The following LRP11 variants were observed in gnomAD, a reference collection of about 807,000 sequenced individuals.
The protein encoded by LRP11 is LDL receptor related protein 11, also known as low-density lipoprotein receptor-related protein 11.
In LRP11, 25 loss-of-function variants were observed where a neutral mutation model predicts 43.1. The ratio of observed to expected loss-of-function variants is 0.58; its 90% CI spans 0.42 to 0.81. The LOEUF (loss-of-function observed/expected upper bound fraction) is 0.81, where lower values mean the gene tolerates loss of function less well. Among genes scored for constraint, LRP11 ranks in the 30% least tolerant of loss-of-function variants. LRP11 has a pLI of 0.00. For synonymous variants in LRP11, 316 were observed against 299.4 expected (o/e 1.06, Z -0.57); for missense variants, 623 against 665.1 (o/e 0.94, Z 0.70).
intron 3 of LRP11, 51 bp downstream of exon 3, chr6:149,842,932 G>A (rs377687383): frequency 1.6e-5 from 25 of 1,608,018 alleles, no homozygotes; most frequent in African/African-American, 2.7e-5. Flanking sequence ...GCGCCAACCC[G>A]ACATTGCCTT....
intron 3 of LRP11, among the ~76,000 whole-genome samples, chr6:149,840,111 T>C (rs2115388108): frequency 6.6e-6 from 1 of 152,292 alleles, no homozygotes; most frequent in East Asian, 1.9e-4. Flanking sequence ...GTTATGATCA[T>C]ATAAGCAGGG....
At chr6:149,835,436 T>TA (rs1225013946) in intron 5 of LRP11, among the ~76,000 whole-genome samples, 3 of 152,150 alleles carry the variant, frequency 2.0e-5, no homozygotes, top group Admixed American at 1.3e-4. Context: ...CTTGTCTCTA[T>TA]AAAAAATACA....
chr6:149,848,517 G>C (rs1776672774), intron 2 of LRP11, among the ~76,000 whole-genome samples: 1 of 152,054 alleles, frequency 6.6e-6, no homozygotes, highest in African/African-American at 2.4e-5. Context: ...AAGAATATGT[G>C]GTACATATAC....
At chr6:149,838,044 A>G (rs752169047) in intron 3 of LRP11, among the ~76,000 whole-genome samples, 4 of 152,030 alleles carry the variant, frequency 2.6e-5, no homozygotes, top group Non-Finnish European at 5.9e-5. Flanking sequence ...CAGCCTCTGG[A>G]GTAGCTGGGA....
intron 6 of LRP11, among the ~76,000 whole-genome samples, chr6:149,824,299 A>G (rs1443765520): frequency 2.6e-5 from 4 of 152,170 alleles, no homozygotes; most frequent in African/African-American, 7.2e-5. Flanking sequence ...AAAATGTTCT[A>G]TTTGCTAAGT....
chr6:149,823,335 G>A (rs1314923565), intron 6 of LRP11, among the ~76,000 whole-genome samples: 2 of 152,154 alleles, frequency 1.3e-5, no homozygotes, highest in Non-Finnish European at 2.9e-5. Context: ...TCACAGTCAG[G>A]AGAATGAGCC....
At chr6:149,858,346 C>T (rs1445740563) in intron 1 of LRP11, among the ~76,000 whole-genome samples, 4 of 152,198 alleles carry the variant, frequency 2.6e-5, no homozygotes, top group Non-Finnish European at 5.9e-5. Context: ...TTTCCAGCTT[C>T]ACCCATGTCC....
In LRP11 at chr6:149,863,900, G is replaced by A; in HGVS notation, c.121C>T (p.Pro41Ser). Residue 41 changes from proline to serine, a missense_variant, in exon 1 of 7, where the codon CCC becomes TCC. By Grantham distance (74) the Pro-to-Ser change is moderately conservative. Transcript: ENST00000239367. Reference protein sequence around the residue: ...WLPSGRAALPPAAPLSELHAQ... With the variant: ...WLPSGRAALPSAAPLSELHAQ... Reference sequence around the variant, plus strand: ...TGCAGTTCGGACAGCGGCGCCGCGGGCGGCAAGGCCGCACGGCCGCTTGGC... The same window carrying A: ...TGCAGTTCGGACAGCGGCGCCGCGGACGGCAAGGCCGCACGGCCGCTTGGC... 1.3e-6 allele frequency: 2 copies of A among 1,487,186 alleles called. No homozygotes were observed. The highest frequency in any genetic ancestry group is 1.8e-6 in the Non-Finnish European group (2 of 1,126,540). 92.1% of individuals were successfully genotyped at this position (1,487,186 alleles called of 1,614,324 possible).
intron 2 of LRP11, among the ~76,000 whole-genome samples, chr6:149,846,976 T>C (rs908833010): frequency 6.6e-6 from 1 of 150,402 alleles, no homozygotes; most frequent in Non-Finnish European, 1.5e-5. Flanking sequence ...TAGAATAGAA[T>C]AGAATAGAAT....
chr6:149,846,575 G>T (rs920158171), intron 2 of LRP11, among the ~76,000 whole-genome samples: 9 of 152,138 alleles, frequency 5.9e-5, no homozygotes, highest in Non-Finnish European at 1.0e-4. Flanking sequence ...GGTGTGACGG[G>T]GATGCTGAGT....
intron 1 of LRP11, among the ~76,000 whole-genome samples, chr6:149,859,199 T>C (rs1776848020): frequency 6.6e-6 from 1 of 151,786 alleles, no homozygotes; most frequent in South Asian, 2.1e-4. Flanking sequence ...AAGTCTCCCA[T>C]ATGCATGCCA....
chr6:149,837,277 A>C, intron 4 of LRP11, 61 bp downstream of exon 4: 1 of 1,567,800 alleles, frequency 6.4e-7, no homozygotes, highest in Non-Finnish European at 8.7e-7. Context: ...TTCTCAGAAC[A>C]CAGACCTCCC....
chr6:149,863,585 C>A lies in LRP11; in HGVS notation c.436G>T (p.Glu146Ter). The A allele has an allele frequency of 7.0e-7, 1 of 1,422,036 alleles. No individual in the cohort carries two copies. Among genetic ancestry groups the A allele is most frequent in the South Asian group, 1.4e-5 (1 of 69,310 alleles). 88.1% of individuals were successfully genotyped at this position (1,422,036 alleles called of 1,614,324 possible). A position where few individuals can be genotyped will look rare whatever the true frequency, so the allele number is the denominator to read the frequency against. The stretch of plus-strand genomic sequence containing the variant: ...GGGGGCGCGGGGCGCCGGGGCAGCT[C>A]CACCACGGCCACGGAGCAGCGCGGC... Reference protein sequence around the residue: ...SEPRCSVAVVELPRRPAPPAA... With the variant: ...SEPRCSVAVV The change falls in exon 1 of 7, where the codon GAG (glutamate) becomes TAG (stop). Residue 146 changes from glutamate (E) to a stop codon, truncating the protein, a stop_gained. Coordinates refer to ENST00000239367, the MANE Select transcript of LRP11 (RefSeq NM_032832.6). LOFTEE classifies it high-confidence loss of function.
intron 4 of LRP11, among the ~76,000 whole-genome samples, chr6:149,836,893 C>T (rs1776479035): frequency 6.6e-6 from 1 of 152,050 alleles, no homozygotes; most frequent in African/African-American, 2.4e-5. Context: ...CTTCGTCCTT[C>T]CTCAAATCCA....
chr6:149,826,974 C>CTT (rs35335842), intron 5 of LRP11, among the ~76,000 whole-genome samples: 2,765 of 143,794 alleles, frequency 0.019, 97 homozygotes, highest in African/African-American at 0.066. Flanking sequence ...TATTTATTTA[C>CTT]TTTTTTTTTT....
rs1291941980 is a variant in LRP11 at position 149,827,597 on chromosome 6, T to C, written c.1253-1238A>G. Among the ~76,000 whole-genome samples, 1 of 152,222 alleles carries C rather than the reference T, an allele frequency of 6.6e-6. No individual in the cohort carries two copies. Among genetic ancestry groups the C allele is most frequent in the African/African-American group, 2.4e-5 (1 of 41,466 alleles). ...TAATTTGGGCTTTCTCCATAAACTC[T>C]GAGCTCAGACAGAAGGAGAGAGATG... On this transcript the variant is annotated intron_variant, in intron 5 of 6. Coordinates refer to ENST00000239367, the MANE Select transcript of LRP11 (RefSeq NM_032832.6). This position sits in a 1 kb window ranked among gnomAD's most constrained non-coding sequence, Gnocchi z 4.2.
Position 149,826,297 on chromosome 6 carries a change from C to T in LRP11, c.1315G>A (p.Gly439Arg), listed in dbSNP as rs1404343990. ...GGGGCTGGGTGTTCCCCTCCTCCTC[C>T]ATCACCCTTTGACTCAAATATATAA... ...ESYIFESKGD[G>R]GGGEHPAPET... Residue 439 changes from glycine (G) to arginine (R), a missense_variant, in exon 6 of 7, where the codon GGA (glycine) becomes AGA (arginine). Physicochemically the swap from Gly to Arg is moderately radical, Grantham distance 125. Coordinates refer to ENST00000239367, the MANE Select transcript of LRP11 (RefSeq NM_032832.6). The T allele has an allele frequency of 6.2e-7, 1 of 1,613,798 alleles. No individual in the cohort carries two copies. Among genetic ancestry groups the T allele is most frequent in the South Asian group, 1.1e-5 (1 of 91,082 alleles).
intron 2 of LRP11, among the ~76,000 whole-genome samples, chr6:149,846,812 T>C (rs1776639539): frequency 6.6e-6 from 1 of 152,006 alleles, no homozygotes; most frequent in South Asian, 2.1e-4. Flanking sequence ...TGCATGCCTG[T>C]AGTCCCAGCT....
intron 1 of LRP11, 103 bp downstream of exon 1, chr6:149,863,305 G>C (rs1053408684): frequency 5.5e-6 from 7 of 1,278,546 alleles, no homozygotes; most frequent in Non-Finnish European, 5.9e-6. Context: ...GGGTGCCCGC[G>C]GCTAAAATAA....
Sources: allele counts gnomAD v4.1 joint callset (sites outside exome capture counted in the v4.1 genomes callset), GRCh38; gene constraint gnomAD v4.1.1; non-coding constraint Gnocchi (gnomAD v3.1); transcripts MANE v1.5; gene names NCBI Gene and HGNC (gene_info 2026-07-23, HGNC 2026-07-21).